Variants in STIM1 observed in about 807,000 individuals in gnomAD.
The protein encoded by STIM1 is stromal interaction molecule 1.
In STIM1, 25 loss-of-function variants were observed where a neutral mutation model predicts 74.7. That is an observed-to-expected ratio of 0.33 (90% CI 0.24 to 0.47). The LOEUF (loss-of-function observed/expected upper bound fraction) is 0.47. Among genes scored for constraint, STIM1 ranks in the 20% least tolerant of loss-of-function variants. STIM1 has a pLI of 1.00. For missense variants in STIM1, 728 were observed against 920.8 expected (o/e 0.79, Z 2.71); for synonymous variants, 328 against 348.8 (o/e 0.94, Z 0.66).
chr11:4,049,514 A>C (rs1233518943), intron 3 of STIM1: 2 of 150,750 alleles, frequency 1.3e-5, no homozygotes, highest in Non-Finnish European at 3.0e-5. Context: ...TTTTTTGTAG[A>C]TATGTGGTCT....
At chr11:4,058,289 C>T (rs2094306307) in intron 4 of STIM1, among the ~76,000 whole-genome samples, 1 of 152,142 alleles carries the variant, frequency 6.6e-6, no homozygotes, top group Non-Finnish European at 1.5e-5. Context: ...AGCCAGATCT[C>T]CTAACCACTC....
intron 2 of STIM1, among the ~76,000 whole-genome samples, chr11:4,008,962 G>A (rs2093808565): frequency 6.6e-6 from 1 of 150,552 alleles, no homozygotes; most frequent in Non-Finnish European, 1.5e-5. Context: ...TTTTCCTTAA[G>A]TTTAAGTAAA....
chr11:3,961,410 G>A (rs1057453063), intron 1 of STIM1: 1 of 229,362 alleles, frequency 4.4e-6, no homozygotes, highest in African/African-American at 2.4e-5. Flanking sequence ...TTAATATTGA[G>A]TGTTCAGGAA....
At chr11:3,877,730 G>C (rs556246966) in intron 1 of STIM1, among the ~76,000 whole-genome samples, 1 of 152,290 alleles carries the variant, frequency 6.6e-6, no homozygotes, top group South Asian at 2.1e-4. Flanking sequence ...GGCATTCCCA[G>C]AACTGTTGGG....
intron 12 of STIM1, among the ~76,000 whole-genome samples, chr11:4,089,669 T>C (rs759384232): frequency 2.0e-5 from 3 of 152,198 alleles, no homozygotes; most frequent in African/African-American, 2.4e-5. Context: ...GGTGGCTACT[T>C]AGTTATTTGC....
At chr11:4,050,394 C>A (rs947910775) in intron 3 of STIM1, among the ~76,000 whole-genome samples, 3 of 152,132 alleles carry the variant, frequency 2.0e-5, no homozygotes, top group Non-Finnish European at 4.4e-5. Context: ...TCAGATAGAT[C>A]GTAATAGGTG....
rs1265367472 is a variant in STIM1, at chr11:4,015,709, A to G, written c.271-8164A>G. Reference sequence around the variant, plus strand: ...TCAGACGTAGATTTGGTCTTTTCACATAGTCCCATATTTCTTGGAAGCTTT... The same window carrying G: ...TCAGACGTAGATTTGGTCTTTTCACGTAGTCCCATATTTCTTGGAAGCTTT... On this transcript the variant is annotated intron_variant, in intron 2 of 12. Coordinates refer to ENST00000526596, the MANE Select transcript of STIM1 (RefSeq NM_001382567.1). 3.3e-5 allele frequency among the ~76,000 whole-genome samples: 5 copies of G among 152,306 alleles called. No individual in the cohort carries two copies. The South Asian group carries it at 6.2e-4, about 19-fold the overall frequency.
chr11:3,920,001 C>G (rs1220747045), intron 1 of STIM1, among the ~76,000 whole-genome samples: 1 of 152,040 alleles, frequency 6.6e-6, no homozygotes, highest in Non-Finnish European at 1.5e-5. Flanking sequence ...TTGCTTGAAC[C>G]CAGGAGTTTG....
At chr11:4,068,377 G>A (rs903943063) in intron 5 of STIM1, among the ~76,000 whole-genome samples, 1 of 152,052 alleles carries the variant, frequency 6.6e-6, no homozygotes, top group Non-Finnish European at 1.5e-5. Context: ...TTTGACTTTT[G>A]GTAAGAATAT....
chr11:4,039,841 C>T (rs1428785144), intron 3 of STIM1, among the ~76,000 whole-genome samples: 2 of 151,950 alleles, frequency 1.3e-5, no homozygotes, highest in Non-Finnish European at 1.5e-5. Flanking sequence ...GATCTTGGCT[C>T]ACTGCAACCT....
intron 1 of STIM1, among the ~76,000 whole-genome samples, chr11:3,870,339 G>T (rs2091035145): frequency 6.6e-6 from 1 of 152,154 alleles, no homozygotes; most frequent in African/African-American, 2.4e-5. Context: ...TTCAATTCCA[G>T]ATCTTGCCAG....
chr11:3,960,051 GTGT>G (rs1374891785), intron 1 of STIM1, among the ~76,000 whole-genome samples: 5 of 152,206 alleles, frequency 3.3e-5, no homozygotes, highest in Non-Finnish European at 7.3e-5. Context: ...TTAGTATTCT[GTGT>G]GATGAAATAT....
At position 4,043,082 on chromosome 11, in the gene STIM1, C is replaced by G. The variant is rs570385959; in HGVS notation, c.386-12444C>G. The stretch of plus-strand genomic sequence containing the variant: ...ATAATGGTTAAGTGATTTACGCAAG[C>G]TAGTTCATGGCAGATAGGATAGGCA... On this transcript the variant is annotated intron_variant, in intron 3 of 12. Coordinates refer to ENST00000526596, the MANE Select transcript of STIM1 (RefSeq NM_001382567.1). Among the ~76,000 whole-genome samples, 72 of 152,264 alleles carry G rather than the reference C, an allele frequency of 4.7e-4. 1 individual carries two copies. Among genetic ancestry groups the G allele is most frequent in the Non-Finnish European group, 9.0e-4 (61 of 68,012 alleles).
At chr11:4,000,850 C>A (rs10835475) in intron 2 of STIM1, among the ~76,000 whole-genome samples, 58,976 of 151,006 alleles carry the variant, frequency 0.39, 12,583 homozygotes, top group Non-Finnish European at 0.48. Context: ...AAAATTTAGA[C>A]GAATGTATAA....
intron 2 of STIM1, among the ~76,000 whole-genome samples, chr11:4,019,495 G>A (rs7939086): frequency 0.042 from 6,319 of 152,026 alleles, 404 homozygotes; most frequent in African/African-American, 0.14. Context: ...GAAACATAGT[G>A]AGACACCGTG....
intron 12 of STIM1, chr11:4,088,719 C>A: frequency 1.3e-6 from 2 of 1,535,822 alleles, no homozygotes; most frequent in Non-Finnish European, 8.7e-7. Context: ...TCTCTAAAGG[C>A]AAACAGGCTC....
chr11:3,952,055 A>G (rs771456522), intron 1 of STIM1, among the ~76,000 whole-genome samples: 1 of 152,170 alleles, frequency 6.6e-6, no homozygotes, highest in Non-Finnish European at 1.5e-5. Context: ...TGTGCTGCCC[A>G]GCACTGGGCT....
At chr11:3,986,533 A>G (rs2093559817) in intron 2 of STIM1, among the ~76,000 whole-genome samples, 1 of 152,202 alleles carries the variant, frequency 6.6e-6, no homozygotes. Context: ...AGCTAGAAGT[A>G]AACAGAGCTG....
intron 1 of STIM1, among the ~76,000 whole-genome samples, chr11:3,946,085 A>G (rs187845369): frequency 5.9e-5 from 9 of 152,310 alleles, no homozygotes; most frequent in Admixed American, 5.2e-4. Context: ...ACAATTCAAC[A>G]TGAAATTTGG....
Sources: gnomAD v4.1 joint callset for allele counts (sites outside exome capture counted in the v4.1 genomes callset) on GRCh38, gnomAD v4.1.1 for gene constraint, MANE v1.5 for transcripts, NCBI Gene and HGNC (gene_info 2026-07-23, HGNC 2026-07-21) for gene names.